The following TTLL10 variants were observed in gnomAD, a reference collection of about 807,000 sequenced individuals.
The protein encoded by TTLL10 is inactive polyglycylase TTLL10.
TTLL10 carries 61 observed loss-of-function variants against 69.0 expected under a neutral mutation model. The ratio of observed to expected loss-of-function variants is 0.88; its 90% CI spans 0.72 to 1.09. TTLL10 has a LOEUF of 1.09. Among genes scored for constraint, TTLL10 ranks in the 50% least tolerant of loss-of-function variants. The probability of loss-of-function intolerance (pLI) is 0.00; values close to 1 mark genes in which losing one functional copy is unlikely to be tolerated. For missense variants in TTLL10, 962 were observed against 945.9 expected, an observed-to-expected ratio of 1.02 and a Z score of -0.22; for synonymous variants, 408 against 393.3, an observed-to-expected ratio of 1.04 and a Z score of -0.44.
chr1:1,182,440 T>C lies in TTLL10; in HGVS notation c.910T>C (p.Phe304Leu), dbSNP rs769551241. 2.5e-6 allele frequency: 4 copies of C among 1,613,614 alleles called. No homozygotes were observed. The Admixed American group carries it at 5.0e-5, about 20-fold the overall frequency. Residue 304 changes from phenylalanine to leucine, a missense_variant, in exon 10 of 16, where the codon TTT becomes CTT. Coordinates refer to ENST00000379289, the MANE Select transcript of TTLL10 (RefSeq NM_001130045.2). The part of the protein sequence containing the change: ...KHEREAFFTL[F>L]DETQIWICKP... ...CGAGAGAGAGGCCTTTTTCACCTTG[T>C]TTGATGGTGAGACGCTGCTGGCCGG...
intron 11 of TTLL10, among the ~76,000 whole-genome samples, chr1:1,183,351 G>A (rs892418012): frequency 2.6e-5 from 4 of 152,118 alleles, no homozygotes; most frequent in African/African-American, 7.2e-5. Flanking sequence ...CCTACTCCCC[G>A]GCCCAGCCAG....
chr1:1,189,507 T>C (rs1557487915), intron 13 of TTLL10, among the ~76,000 whole-genome samples: 1 of 152,222 alleles, frequency 6.6e-6, no homozygotes, highest in Non-Finnish European at 1.5e-5. Context: ...AATATTTTAA[T>C]GAGGATTTTT....
At chr1:1,196,972 G>C (rs927283378) in intron 14 of TTLL10, 121 bp from the exon 15 acceptor site, 115 of 998,104 alleles carry the variant, frequency 1.2e-4, no homozygotes, top group Non-Finnish European at 1.6e-4. Context: ...AAACAGGGGA[G>C]CAAGGCTATA....
intron 3 of TTLL10, chr1:1,175,545 G>A (rs1471731334): frequency 1.1e-5 from 4 of 375,880 alleles, no homozygotes; most frequent in African/African-American, 2.1e-5. Context: ...GTTGGCGATC[G>A]CCTTGCTTTT....
chr1:1,197,235 G>C, intron 15 of TTLL10, 49 bp downstream of exon 15: 2 of 1,484,696 alleles, frequency 1.3e-6, no homozygotes, highest in Non-Finnish European at 1.8e-6. Context: ...GCCCAGTCTT[G>C]AATGCCTACC....
Position 1,185,441 on chromosome 1 carries a change from C to G in TTLL10, c.1401+332C>G, listed in dbSNP as rs3813205. 1.8e-6 allele frequency: 2 copies of G among 1,121,120 alleles called. No homozygotes were observed. Among genetic ancestry groups the G allele is most frequent in the Non-Finnish European group, 2.2e-6 (2 of 916,912 alleles). The allele number at this position is 1,121,120 out of a possible 1,614,324, so 69.4% of individuals were successfully genotyped here. On this transcript the variant is annotated intron_variant, in intron 13 of 15. Coordinates refer to ENST00000379289, the MANE Select transcript of TTLL10 (RefSeq NM_001130045.2). This position sits in a 1 kb window ranked among gnomAD's most constrained non-coding sequence, Gnocchi z 6.1. ...GTCTTTGTTCCTTTCAGATCCTCCA[C>G]TTGGCAGGCAGGGCCAACAGCAGCC...
chr1:1,183,348 C>G (rs12097131), intron 11 of TTLL10, among the ~76,000 whole-genome samples: 13,965 of 152,258 alleles, frequency 0.092, 847 homozygotes, highest in African/African-American at 0.17. Context: ...CCCCCTACTC[C>G]CCGGCCCAGC....
intron 3 of TTLL10, among the ~76,000 whole-genome samples, chr1:1,176,731 G>A (rs1020046313): frequency 1.1e-4 from 16 of 152,096 alleles, no homozygotes; most frequent in African/African-American, 2.7e-4. Flanking sequence ...CTCCCCTCTC[G>A]CCTGGGGCTC....
chr1:1,193,081 C>T (rs1349028769), intron 13 of TTLL10, among the ~76,000 whole-genome samples: 1 of 152,226 alleles, frequency 6.6e-6, no homozygotes, highest in Non-Finnish European at 1.5e-5. Flanking sequence ...AATGCCAGCC[C>T]TTTGGGAGGC....
chr1:1,182,837 T>G, intron 10 of TTLL10, 39 bp from the exon 11 acceptor site: 1 of 1,513,420 alleles, frequency 6.6e-7, no homozygotes, highest in Non-Finnish European at 8.9e-7. Context: ...GTGGCTGGGT[T>G]GGGGGCGAGG....
At position 1,197,876 on chromosome 1, in the gene TTLL10, G is replaced by T; in HGVS notation, c.*29G>T. 2.1e-6 allele frequency: 3 copies of T among 1,397,424 alleles called. No homozygotes were observed. Among genetic ancestry groups the T allele is most frequent in the Non-Finnish European group, 1.9e-6 (2 of 1,077,254 alleles). 86.6% of individuals were successfully genotyped at this position (1,397,424 alleles called of 1,614,324 possible). On this transcript the variant is annotated 3_prime_UTR_variant, in exon 16 of 16. Coordinates refer to ENST00000379289, the MANE Select transcript of TTLL10 (RefSeq NM_001130045.2). ...CAGCCACCCGCGCCCAGCGCCCCGC[G>T]CCCCGCGCCCCAGCCGTGCTGCCTG...
chr1:1,191,575 T>C (rs1457246390), intron 13 of TTLL10, among the ~76,000 whole-genome samples: 2 of 152,190 alleles, frequency 1.3e-5, no homozygotes, highest in African/African-American at 4.8e-5. Context: ...TTTTTGGGTG[T>C]AGTGTTCTGT....
At chr1:1,175,940 G>C (rs750608506) in intron 3 of TTLL10, 20 of 441,430 alleles carry the variant, frequency 4.5e-5, no homozygotes, top group South Asian at 1.4e-4. Context: ...CAGGTGGAGA[G>C]AGGCTGACGC....
Position 1,183,059 on chromosome 1 carries a change from G to T in TTLL10, c.1088+12G>T. 1 of 1,583,282 alleles carries T rather than the reference G, an allele frequency of 6.3e-7. No homozygotes were observed. The highest frequency in any genetic ancestry group is 8.6e-7 in the Non-Finnish European group (1 of 1,165,270). ...CGGGTGGTGCAGAGGTGCGGCGGCG[G>T]GTGCCCGGAGGGGTGAGGGTCTGGG... On this transcript the variant is annotated intron_variant, in intron 11 of 15. Transcript: ENST00000379289.
intron 13 of TTLL10, among the ~76,000 whole-genome samples, chr1:1,194,389 CA>C (rs1185875872): frequency 1.3e-5 from 2 of 152,110 alleles, no homozygotes; most frequent in Admixed American, 6.5e-5. Context: ...CAATCACATA[CA>C]AAAAAATACA....
intron 3 of TTLL10, among the ~76,000 whole-genome samples, chr1:1,176,914 G>A (rs1476338348): frequency 6.6e-6 from 1 of 152,208 alleles, no homozygotes; most frequent in Non-Finnish European, 1.5e-5. Flanking sequence ...GGCTCTCTGA[G>A]GGGTCCTGTC....
intron 13 of TTLL10, among the ~76,000 whole-genome samples, chr1:1,195,629 G>A (rs183097983): frequency 6.6e-6 from 1 of 151,070 alleles, no homozygotes; most frequent in East Asian, 2.0e-4. Flanking sequence ...ACAGACGTGA[G>A]CCACTGTGCC....
rs771129218 is a variant in TTLL10 at position 1,183,905 on chromosome 1, A to G, written c.1089-15A>G. On this transcript the variant is annotated splice_polypyrimidine_tract_variant and intron_variant, in intron 11 of 15. Coordinates refer to ENST00000379289, the MANE Select transcript of TTLL10 (RefSeq NM_001130045.2). ...CCCGTGGCTCAGCCCAGCAGCCCCG[A>G]CATGGTGCCCCCAGGTACATCCAGA... 1.8e-5 allele frequency: 29 copies of G among 1,613,914 alleles called. No homozygotes were observed. Among genetic ancestry groups the G allele is most frequent in the Non-Finnish European group, 2.5e-5 (29 of 1,179,972 alleles).
At position 1,196,673 on chromosome 1, in the gene TTLL10, T is replaced by C. The variant is rs1345372957; in HGVS notation, c.1475T>C (p.Phe492Ser). The change falls in exon 14 of 16, where the codon TTT (phenylalanine) becomes TCT (serine). Residue 492 changes from phenylalanine (F) to serine (S), a missense_variant. Transcript: ENST00000379289. ...KPKLDCKLGY[F>S]DLIGCDFLID... ...AAGCTGGACTGCAAGCTGGGTTACT[T>C]TGACCTCATTGGCTGTGACTTCCTG... 25 of 1,551,996 alleles carry C rather than the reference T, an allele frequency of 1.6e-5. No individual in the cohort carries two copies. The highest frequency in any genetic ancestry group is 2.1e-5 in the Non-Finnish European group (24 of 1,147,042).
Sources: gnomAD v4.1 joint callset for allele counts (sites outside exome capture counted in the v4.1 genomes callset) on GRCh38, gnomAD v4.1.1 for gene constraint, Gnocchi (gnomAD v3.1) non-coding constraint, MANE v1.5 for transcripts, NCBI Gene and HGNC (gene_info 2026-07-23, HGNC 2026-07-21) for gene names.